Variants in PPP1R7 observed in about 807,000 individuals in gnomAD.
PPP1R7 encodes protein phosphatase 1 regulatory subunit 22.
A neutral mutation model predicts 45.2 loss-of-function variants in PPP1R7; 18 were observed. That is an observed-to-expected ratio of 0.40 (90% confidence interval 0.28 to 0.59). The LOEUF (loss-of-function observed/expected upper bound fraction) is 0.59. Among genes scored for constraint, PPP1R7 ranks in the 20% least tolerant of loss-of-function variants. The pLI is 0.46. For synonymous variants in PPP1R7, 181 were observed against 183.4 expected (o/e 0.99, Z 0.11); for missense variants, 314 against 455.8 (o/e 0.69, Z 2.83).
rs372471864 is a variant in PPP1R7 at position 241,163,420 on chromosome 2, C to T, written c.714+19C>T. 83 of 1,556,924 alleles carry T rather than the reference C, an allele frequency of 5.3e-5. No homozygotes were observed. The highest frequency in any genetic ancestry group is 3.3e-4 in the Middle Eastern group (2 of 5,974). On this transcript the variant is annotated intron_variant, in intron 7 of 9. Transcript: ENST00000234038. ...TATGCAGGTACGGAGCTTCCTGAGC[C>T]GCCCTTCCCTGCGAGCCCTGGCAGG...
chr2:241,154,269 A>C (rs2125480243), intron 2 of PPP1R7, among the ~76,000 whole-genome samples: 2 of 152,102 alleles, frequency 1.3e-5, no homozygotes, highest in East Asian at 3.9e-4. Context: ...GATTCGAAAT[A>C]AATGTTATGG....
intron 9 of PPP1R7, among the ~76,000 whole-genome samples, chr2:241,170,343 T>C (rs1258960265): frequency 6.6e-6 from 1 of 152,214 alleles, no homozygotes; most frequent in Non-Finnish European, 1.5e-5. Context: ...ATCTTGGAAT[T>C]TGCCTTGTAT....
In PPP1R7 at chr2:241,182,701, A is replaced by C; in HGVS notation, c.961A>C (p.Arg321=). The change falls in exon 10 of 10, where the codon AGG becomes CGG. Residue 321 remains arginine, a synonymous_variant. Coordinates refer to ENST00000234038, the MANE Select transcript of PPP1R7 (RefSeq NM_002712.3). ...WSDLDELKGA[R]SLETVYLERN... ...CGACCTCGACGAGCTGAAGGGAGCC[A>C]GGAGCCTGGAGACAGTGTACCTGGA... 6.2e-7 allele frequency: 1 copy of C among 1,614,240 alleles called. No homozygotes were observed. The highest frequency in any genetic ancestry group is 8.5e-7 in the Non-Finnish European group (1 of 1,180,048).
At chr2:241,157,776 C>G in intron 2 of PPP1R7, 31 bp from the exon 3 acceptor site, 3 of 1,603,542 alleles carry the variant, frequency 1.9e-6, no homozygotes, top group Non-Finnish European at 2.6e-6. Context: ...TAATGGGGTT[C>G]TGAACAAATC....
rs1312146207 is a variant in PPP1R7 at position 241,165,036 on chromosome 2, A to G, written c.715-1301A>G. The stretch of plus-strand genomic sequence containing the variant: ...GCACTCCAGCCTGGGTGACAGAGCG[A>G]GAGTCCATCTCAAAAAAAAGAAAGA... On this transcript the variant is annotated intron_variant, in intron 7 of 9. Transcript: ENST00000234038. 3.9e-5 allele frequency among the ~76,000 whole-genome samples: 6 copies of G among 152,350 alleles called. No individual in the cohort carries two copies. In the East Asian group the frequency reaches 9.7e-4, roughly 25 times the overall value.
intron 9 of PPP1R7, among the ~76,000 whole-genome samples, chr2:241,177,888 C>A (rs1574734208): frequency 6.6e-6 from 1 of 152,250 alleles, no homozygotes; most frequent in Non-Finnish European, 1.5e-5. Context: ...TGCCCACTGC[C>A]CTGCTGGCAC....
At chr2:241,165,420 G>A (rs1044351967) in intron 7 of PPP1R7, among the ~76,000 whole-genome samples, 3 of 152,036 alleles carry the variant, frequency 2.0e-5, no homozygotes, top group African/African-American at 7.2e-5. Context: ...TCCTGCCTTG[G>A]CCTCCCAAAG....
Position 241,166,451 on chromosome 2 carries a change from C to A in PPP1R7, c.819+10C>A. 6.2e-7 allele frequency: 1 copy of A among 1,611,506 alleles called. No individual in the cohort carries two copies. Among genetic ancestry groups the A allele is most frequent in the South Asian group, 1.1e-5 (1 of 90,822 alleles). On this transcript the variant is annotated intron_variant, in intron 8 of 9. Transcript: ENST00000234038. ...GGGCCTGGAGAACAATGTAAGACACCCACTGTCTGTCTGGGGCTGTGTGGG... is the reference window on the plus strand; with the variant it reads ...GGGCCTGGAGAACAATGTAAGACACACACTGTCTGTCTGGGGCTGTGTGGG...
At chr2:241,151,484 A>G (rs539899486) in intron 1 of PPP1R7, 16 of 471,282 alleles carry the variant, frequency 3.4e-5, no homozygotes, top group South Asian at 2.3e-4. Context: ...CTCGAAGGCA[A>G]CGAGGTTGGG....
At chr2:241,164,445 C>T (rs2067663248) in intron 7 of PPP1R7, among the ~76,000 whole-genome samples, 1 of 152,194 alleles carries the variant, frequency 6.6e-6, no homozygotes, top group Non-Finnish European at 1.5e-5. Context: ...GTGTTGGAAG[C>T]AAATTAGCAG....
At chr2:241,154,043 G>C (rs1048688942) in intron 2 of PPP1R7, among the ~76,000 whole-genome samples, 1 of 151,538 alleles carries the variant, frequency 6.6e-6, no homozygotes, top group Non-Finnish European at 1.5e-5. Context: ...AGCTGGGCGT[G>C]GCAGCGTGTG....
At chr2:241,162,011 T>G (rs1187896263) in intron 6 of PPP1R7, among the ~76,000 whole-genome samples, 1 of 152,178 alleles carries the variant, frequency 6.6e-6, no homozygotes, top group African/African-American at 2.4e-5. Flanking sequence ...CCTGGGCCCT[T>G]GAGAGCTTGG....
chr2:241,154,756 A>G (rs1240590904), intron 2 of PPP1R7, among the ~76,000 whole-genome samples: 1 of 152,218 alleles, frequency 6.6e-6, no homozygotes, highest in Admixed American at 6.5e-5. Flanking sequence ...TTTACCTGCT[A>G]AAGAAAGAAA....
Position 241,183,296 on chromosome 2 carries a change from G to A in PPP1R7, c.*473G>A. 7 of 431,492 alleles carry A rather than the reference G, an allele frequency of 1.6e-5. No homozygotes were observed. The highest frequency in any genetic ancestry group is 1.2e-4 in the South Asian group (7 of 58,152). 26.7% of individuals were successfully genotyped at this position (431,492 alleles called of 1,614,324 possible). On this transcript the variant is annotated 3_prime_UTR_variant, in exon 10 of 10. Transcript: ENST00000234038. ...CGAGGTTTTTTAGTCTTTTAACCCAGCCATTTTCAATTTTTTAAAAATTAG... is the reference window on the plus strand; with the variant it reads ...CGAGGTTTTTTAGTCTTTTAACCCAACCATTTTCAATTTTTTAAAAATTAG...
At chr2:241,151,590 G>T (rs982321260) in intron 1 of PPP1R7, 1 of 471,170 alleles carries the variant, frequency 2.1e-6, no homozygotes. Context: ...ATGTGGTGGG[G>T]ATGGGGGCGG....
At chr2:241,154,990 A>T (rs868232791) in intron 2 of PPP1R7, 8 of 152,374 alleles carry the variant, frequency 5.3e-5, no homozygotes, top group African/African-American at 1.9e-4. Context: ...GGAGATTACC[A>T]CAAAAGTACC....
intron 2 of PPP1R7, 151 bp downstream of exon 2, chr2:241,153,755 A>G: frequency 1.0e-6 from 1 of 994,466 alleles, no homozygotes; most frequent in East Asian, 2.6e-5. Context: ...GCAGGTGGAT[A>G]TGCTCTTTGA....
intron 3 of PPP1R7, among the ~76,000 whole-genome samples, 178 bp from the exon 4 acceptor site, chr2:241,158,306 T>G (rs1407970844): frequency 6.6e-6 from 1 of 152,228 alleles, no homozygotes; most frequent in Non-Finnish European, 1.5e-5. Flanking sequence ...ACATAAAACT[T>G]AGTCATCACT....
upstream of PPP1R7, chr2:241,149,595 G>A: frequency 6.7e-7 from 1 of 1,495,472 alleles, no homozygotes; most frequent in East Asian, 2.5e-5. Context: ...GCTAAGGGTT[G>A]CTAGGGACGC....
Sources: gnomAD v4.1 joint callset for allele counts (sites outside exome capture counted in the v4.1 genomes callset) on GRCh38, gnomAD v4.1.1 for gene constraint, MANE v1.5 for transcripts, NCBI Gene and HGNC (gene_info 2026-07-23, HGNC 2026-07-21) for gene names.